CEP83: variants seen among roughly 807,000 people sequenced by gnomAD.
CEP83 encodes centrosomal protein of 83 kDa.
Under a neutral mutation model 101.9 loss-of-function variants are expected in CEP83, and 70 were observed. The observed-to-expected ratio is 0.69, with a 90% CI of 0.57 to 0.84. CEP83 has a LOEUF of 0.84. Ranked by LOEUF, CEP83 falls within the 40% of genes least tolerant of loss-of-function variation. The pLI, the probability that CEP83 is intolerant of heterozygous loss-of-function variation, is 0.00. For synonymous variants in CEP83, 264 were observed against 267.9 expected (o/e 0.99, Z 0.14); for missense variants, 715 against 787.2 (o/e 0.91, Z 1.10).
intron 7 of CEP83, among the ~76,000 whole-genome samples, chr12:94,378,409 A>T (rs1322109620): frequency 6.6e-6 from 1 of 152,216 alleles, no homozygotes; most frequent in Non-Finnish European, 1.5e-5. Flanking sequence ...TGTGACTTTA[A>T]GACCTCAAAT....
chr12:94,398,064 G>T (rs922837819), intron 6 of CEP83, among the ~76,000 whole-genome samples: 1 of 152,206 alleles, frequency 6.6e-6, no homozygotes, highest in African/African-American at 2.4e-5. Flanking sequence ...GGGTTTGAGG[G>T]TCTGGGTGGA....
At chr12:94,305,113 G>A (rs1968864518), downstream of CEP83, 2 of 897,194 alleles carry the variant, frequency 2.2e-6, no homozygotes, top group Non-Finnish European at 3.6e-6. Context: ...ACAGCATCAG[G>A]TATGCAAAAA....
chr12:94,438,311 T>C (rs1013541810), intron 1 of CEP83, among the ~76,000 whole-genome samples: 1 of 151,108 alleles, frequency 6.6e-6, no homozygotes. Context: ...ACCTAATACA[T>C]AAGGACTCAT....
intron 6 of CEP83, among the ~76,000 whole-genome samples, chr12:94,399,879 G>A (rs576221857): frequency 6.6e-6 from 1 of 152,138 alleles, no homozygotes; most frequent in South Asian, 2.1e-4. Context: ...TAGTGTTCTG[G>A]TACTACACTG....
intron 1 of CEP83, among the ~76,000 whole-genome samples, chr12:94,445,531 ACT>A (rs549372756): frequency 2.4e-4 from 37 of 152,326 alleles, no homozygotes; most frequent in African/African-American, 8.4e-4. Flanking sequence ...TTCAAAATCC[ACT>A]GTTACATAAA....
intron 6 of CEP83, among the ~76,000 whole-genome samples, chr12:94,384,863 TA>T: frequency 6.6e-6 from 1 of 152,362 alleles, no homozygotes; most frequent in South Asian, 2.1e-4. Context: ...GTTTGTCAAA[TA>T]ATTCTAACAC....
chr12:94,357,968 A>C (rs1289195301), intron 11 of CEP83, among the ~76,000 whole-genome samples: 2 of 152,236 alleles, frequency 1.3e-5, no homozygotes, highest in African/African-American at 2.4e-5. Context: ...TGGGTAAATC[A>C]AATTACTGAT....
chr12:94,268,396 G>A, the CEP83 span, among the ~76,000 whole-genome samples: 1 of 151,994 alleles, frequency 6.6e-6, no homozygotes, highest in Non-Finnish European at 1.5e-5. Context: ...ACTTCCTCCA[G>A]GACCATAAGA....
intron 2 of CEP83, among the ~76,000 whole-genome samples, chr12:94,420,899 T>C (rs1010206884): frequency 1.3e-5 from 2 of 152,184 alleles, no homozygotes; most frequent in African/African-American, 4.8e-5. Flanking sequence ...AACTATATTA[T>C]CATTAAAGTC....
chr12:94,277,250 T>A, the CEP83 span: 1 of 152,248 alleles, frequency 6.6e-6, no homozygotes, highest in African/African-American at 2.4e-5. Context: ...ATAAGGGCAC[T>A]AATCCCATTT....
intron 2 of CEP83, among the ~76,000 whole-genome samples, chr12:94,416,791 C>G (rs550683562): frequency 7.2e-5 from 11 of 152,136 alleles, no homozygotes; most frequent in South Asian, 2.1e-4. Context: ...CTTTCACCCC[C>G]CACCAAGAGT....
At chr12:94,401,652 G>A (rs2063264331) in intron 5 of CEP83, among the ~76,000 whole-genome samples, 1 of 152,124 alleles carries the variant, frequency 6.6e-6, no homozygotes, top group East Asian at 1.9e-4. Flanking sequence ...AGGAAAGCAT[G>A]TCTCCTAAAA....
Position 94,459,634 on chromosome 12 carries a change from G to A in CEP83, c.-232C>T, listed in dbSNP as rs958457149. 6.5e-6 allele frequency: 1 copy of A among 153,254 alleles called. No homozygotes were observed. The highest frequency in any genetic ancestry group is 6.5e-5 in the Admixed American group (1 of 15,286). The allele number at this position is 153,254 out of a possible 1,614,324, so 9.5% of individuals were successfully genotyped here. On this transcript the variant is annotated 5_prime_UTR_variant, in exon 1 of 17. Transcript: ENST00000397809. ...AGTTCTGGCCGCGCTCGCCACCGGG[G>A]ACACCTCCACAGCTCCAACCACAGG...
At chr12:94,348,330 T>C (rs2060036679) in intron 11 of CEP83, among the ~76,000 whole-genome samples, 1 of 152,134 alleles carries the variant, frequency 6.6e-6, no homozygotes, top group South Asian at 2.1e-4. Flanking sequence ...CCTCTACAAC[T>C]ACACAAGAAG....
chr12:94,436,951 T>C (rs1373872456), intron 1 of CEP83, among the ~76,000 whole-genome samples: 1 of 152,066 alleles, frequency 6.6e-6, no homozygotes, highest in Non-Finnish European at 1.5e-5. Flanking sequence ...GAATAATTGC[T>C]GTCCCTAAGG....
In CEP83 at chr12:94,349,413, A is replaced by G. The variant is rs184814522; in HGVS notation, c.1344-13749T>C. Among the ~76,000 whole-genome samples, 327 of 152,318 alleles carry G rather than the reference A, an allele frequency of 2.1e-3. 1 individual carries two copies. The highest frequency in any genetic ancestry group is 7.4e-3 in the African/African-American group (308 of 41,574). The stretch of plus-strand genomic sequence containing the variant: ...TAATGGTTCCTATTTTGATTAATAA[A>G]GATGTGTTTGAGCCTAGTTACACTG... On this transcript the variant is annotated intron_variant, in intron 11 of 16. Transcript: ENST00000397809.
At chr12:94,390,293 T>C (rs2062438318) in intron 6 of CEP83, among the ~76,000 whole-genome samples, 1 of 152,154 alleles carries the variant, frequency 6.6e-6, no homozygotes. Flanking sequence ...CAACAACATT[T>C]GCTGTTCTGT....
intron 14 of CEP83, among the ~76,000 whole-genome samples, chr12:94,315,933 G>C (rs1565896973): frequency 1.3e-5 from 2 of 152,112 alleles, no homozygotes; most frequent in Non-Finnish European, 2.9e-5. Context: ...ATACCTGGTA[G>C]TTTTAAGTCC....
At chr12:94,349,892 A>G (rs1044315035) in intron 11 of CEP83, among the ~76,000 whole-genome samples, 1 of 152,236 alleles carries the variant, frequency 6.6e-6, no homozygotes, top group African/African-American at 2.4e-5. Flanking sequence ...AATGAAGAAA[A>G]TAATTCCATT....
Sources: gnomAD v4.1 joint callset for allele counts (sites outside exome capture counted in the v4.1 genomes callset) on GRCh38, gnomAD v4.1.1 for gene constraint, MANE v1.5 for transcripts, NCBI Gene and HGNC (gene_info 2026-07-23, HGNC 2026-07-21) for gene names.